CHD2: variants seen among roughly 807,000 people sequenced by gnomAD.
CHD2 encodes ATP-dependent chromatin remodeler CHD2.
Under a neutral mutation model 243.9 loss-of-function variants are expected in CHD2, and 28 were observed. The observed-to-expected ratio is 0.11, with a 90% CI of 0.09 to 0.16. CHD2 has a LOEUF of 0.16. Ranked by LOEUF, CHD2 falls within the 10% of genes least tolerant of loss-of-function variation. The pLI is 1.00. For synonymous variants in CHD2, 775 were observed against 779.0 expected (o/e 0.99, Z 0.09); for missense variants, 1,386 against 2,209.8 (o/e 0.63, Z 7.47).
At chr15:92,969,063 T>C (rs1438650712) in intron 17 of CHD2, among the ~76,000 whole-genome samples, 1 of 152,232 alleles carries the variant, frequency 6.6e-6, no homozygotes, top group Non-Finnish European at 1.5e-5. Context: ...CCTCTGAAAA[T>C]AGTTTAATAC....
intron 20 of CHD2, among the ~76,000 whole-genome samples, chr15:92,976,251 A>G (rs1363200676): frequency 6.6e-6 from 1 of 152,204 alleles, no homozygotes; most frequent in Non-Finnish European, 1.5e-5. Flanking sequence ...TGATGGCTAT[A>G]TAGAACACAA....
intron 38 of CHD2, chr15:93,021,164 AAGT>A (rs766101840): frequency 1.3e-5 from 2 of 152,162 alleles, no homozygotes; most frequent in Non-Finnish European, 2.9e-5. Context: ...TCATTTTTGA[AAGT>A]AGTTTTTGCT....
intron 14 of CHD2, 88 bp from the exon 15 acceptor site, chr15:92,955,335 C>T (rs1420688129): frequency 1.4e-6 from 1 of 701,128 alleles, no homozygotes; most frequent in Non-Finnish European, 2.2e-6. Flanking sequence ...TTTTATTTGG[C>T]ATGTTTCTAT....
intron 2 of CHD2, chr15:92,904,755 C>A (rs979829923): frequency 7.2e-6 from 10 of 1,392,854 alleles, no homozygotes; most frequent in South Asian, 3.3e-5. Flanking sequence ...TTTCCCTTTT[C>A]ATACCTTAGC....
intron 34 of CHD2, among the ~76,000 whole-genome samples, chr15:93,007,139 T>G (rs555582503): frequency 1.6e-3 from 242 of 152,338 alleles, no homozygotes; most frequent in African/African-American, 4.8e-3. Flanking sequence ...TTGAAAGCAG[T>G]TGTAGAGATT....
At chr15:93,003,487 A>T (rs577103864) in intron 33 of CHD2, among the ~76,000 whole-genome samples, 1 of 152,160 alleles carries the variant, frequency 6.6e-6, no homozygotes, top group African/African-American at 2.4e-5. Context: ...TTAAAAAAAT[A>T]AAAAAAGAGC....
Position 93,020,059 on chromosome 15 carries a change from A to G in CHD2, c.4954A>G (p.Asn1652Asp). Reference protein sequence around the residue: ...RERKFNYGGGNNNPPWGSDRH... With the variant: ...RERKFNYGGGDNNPPWGSDRH... Reference sequence around the variant, plus strand: ...AAGAAAGTTCAACTATGGTGGTGGCAACAACAATCCACCATGGGGAAGCGA... The same window carrying G: ...AAGAAAGTTCAACTATGGTGGTGGCGACAACAATCCACCATGGGGAAGCGA... Residue 1652 changes from asparagine (N) to aspartate (D), a missense_variant, in exon 38 of 39, where the codon AAC becomes GAC. Asn to Asp is a conservative substitution (Grantham distance 23, BLOSUM62 1). Coordinates refer to ENST00000394196, the MANE Select transcript of CHD2 (RefSeq NM_001271.4). 1 of 1,614,144 alleles carries G rather than the reference A, an allele frequency of 6.2e-7. No individual in the cohort carries two copies. The highest frequency in any genetic ancestry group is 8.5e-7 in the Non-Finnish European group (1 of 1,179,998).
chr15:92,920,659 A>G (rs1166674024), intron 2 of CHD2, among the ~76,000 whole-genome samples: 1 of 152,164 alleles, frequency 6.6e-6, no homozygotes, highest in East Asian at 1.9e-4. Context: ...TCTGTTTCCT[A>G]GTAGTGTGTA....
intron 5 of CHD2, among the ~76,000 whole-genome samples, chr15:92,935,038 CTTTT>C (rs35542698): frequency 7.2e-6 from 1 of 138,694 alleles, no homozygotes; most frequent in African/African-American, 2.6e-5. Flanking sequence ...TTCTTTCTTT[CTTTT>C]TTTTTTTTTT....
At chr15:92,987,952 G>T (rs1567153574) in intron 26 of CHD2, among the ~76,000 whole-genome samples, 1 of 151,566 alleles carries the variant, frequency 6.6e-6, no homozygotes, top group African/African-American at 2.4e-5. Context: ...AATTTCAATG[G>T]CATTATAAAA....
chr15:92,912,212 A>G (rs1437653600), intron 2 of CHD2, among the ~76,000 whole-genome samples: 1 of 152,200 alleles, frequency 6.6e-6, no homozygotes, highest in Non-Finnish European at 1.5e-5. Context: ...GAGAATTTTA[A>G]AAGCCAAGCT....
chr15:92,969,548 T>C (rs2053812869), intron 17 of CHD2, among the ~76,000 whole-genome samples: 1 of 152,190 alleles, frequency 6.6e-6, no homozygotes, highest in Admixed American at 6.5e-5. Flanking sequence ...ATGGCAAAGA[T>C]GAGGAAATGG....
Position 93,004,680 on chromosome 15 carries a change from A to G in CHD2, c.4342A>G (p.Thr1448Ala). The G allele has an allele frequency of 6.2e-7, 1 of 1,613,974 alleles. No individual in the cohort carries two copies. Among genetic ancestry groups the G allele is most frequent in the Non-Finnish European group, 8.5e-7 (1 of 1,179,886 alleles). ...GCGATCTCAGGGTCCTGTCCATATTACAGCAGGAAGTGAACCTGTCCCCAT... is the reference window on the plus strand; with the variant it reads ...GCGATCTCAGGGTCCTGTCCATATTGCAGCAGGAAGTGAACCTGTCCCCAT... ...SKRSQGPVHI[T>A]AGSEPVPIGE... Residue 1448 changes from threonine to alanine, a missense_variant, in exon 34 of 39, where the codon ACA becomes GCA. Around this residue, in one of 19 missense-constraint regions of CHD2, gnomAD observed 22 missense variants for 60.2 expected, o/e 0.37. Coordinates refer to ENST00000394196, the MANE Select transcript of CHD2 (RefSeq NM_001271.4).
chr15:92,953,483 C>T lies in CHD2; in HGVS notation c.1629C>T (p.Ser543=). ...YGPFLIVVPL[S]TLTSWQREFE... ...CCTTTCTTATAGTCGTCCCTTTATC[C>T]ACCCTCACCTCATGGCAGAGAGAGT... The change falls in exon 14 of 39, where the codon TCC becomes TCT. Residue 543 remains serine, a synonymous_variant. Coordinates refer to ENST00000394196, the MANE Select transcript of CHD2 (RefSeq NM_001271.4). The T allele has an allele frequency of 6.2e-7, 1 of 1,614,134 alleles. No individual in the cohort carries two copies. The highest frequency in any genetic ancestry group is 8.5e-7 in the Non-Finnish European group (1 of 1,180,020).
In CHD2 at chr15:92,911,733, C is replaced by T. The variant is rs78267289; in HGVS notation, c.62+10434C>T. Among the ~76,000 whole-genome samples, 458 of 151,966 alleles carry T rather than the reference C, an allele frequency of 3.0e-3. 1 individual carries two copies. Among genetic ancestry groups the T allele is most frequent in the Non-Finnish European group, 4.2e-3 (288 of 67,912 alleles). Reference sequence around the variant, plus strand: ...CTGGGCAGCAGAGTGAGACTGTGTCCCCCCAACCCCTGCCCAAGAAAAAAT... The same window carrying T: ...CTGGGCAGCAGAGTGAGACTGTGTCTCCCCAACCCCTGCCCAAGAAAAAAT... On this transcript the variant is annotated intron_variant, in intron 2 of 38. Transcript: ENST00000394196.
intron 16 of CHD2, among the ~76,000 whole-genome samples, chr15:92,958,364 T>C (rs1356202111): frequency 6.6e-6 from 1 of 152,244 alleles, no homozygotes; most frequent in Non-Finnish European, 1.5e-5. Context: ...GTTGAACGTC[T>C]TTTCATGTGT....
chr15:92,913,550 C>A (rs1596370533), intron 2 of CHD2, among the ~76,000 whole-genome samples: 1 of 152,194 alleles, frequency 6.6e-6, no homozygotes, highest in Non-Finnish European at 1.5e-5. Flanking sequence ...TATCCAGCCT[C>A]AGGCATCTAT....
chr15:93,004,417 G>A, intron 33 of CHD2, 200 bp from the exon 34 acceptor site: 2 of 440,768 alleles, frequency 4.5e-6, no homozygotes, highest in East Asian at 7.1e-5. Context: ...TTTAGAGATG[G>A]AAATGGGAAT....
chr15:92,901,387 T>C (rs2052527085), intron 2 of CHD2, 88 bp downstream of exon 2: 1 of 787,128 alleles, frequency 1.3e-6, no homozygotes, highest in African/African-American at 1.8e-5. Context: ...AGACATGGAT[T>C]GCTGTCTGTT....
Sources: gnomAD v4.1 joint callset for allele counts (sites outside exome capture counted in the v4.1 genomes callset) on GRCh38, gnomAD v4.1.1 for gene constraint, gnomAD v4.1.1 regional missense constraint, MANE v1.5 for transcripts, NCBI Gene and HGNC (gene_info 2026-07-23, HGNC 2026-07-21) for gene names.